AFF2: variants seen among roughly 807,000 people sequenced by gnomAD.
AFF2 encodes ALF transcription elongation factor 2.
Under a neutral mutation model 76.9 loss-of-function variants are expected in AFF2, and 14 were observed. The observed-to-expected ratio is 0.18, with a 90% CI of 0.12 to 0.28. The LOEUF (loss-of-function observed/expected upper bound fraction) is 0.28, where lower values mean the gene tolerates loss of function less well. Among genes scored for constraint, AFF2 ranks in the 10% least tolerant of loss-of-function variants. The probability of loss-of-function intolerance (pLI) is 1.00; values close to 1 mark genes in which losing one functional copy is unlikely to be tolerated. For missense variants in AFF2, 868 were observed against 1,001.1 expected (o/e 0.87, Z 1.79); for synonymous variants, 398 against 366.7 (o/e 1.09, Z -0.98).
intron 3 of AFF2, among the ~76,000 whole-genome samples, chrX:148,796,846 G>A (rs1346269434): frequency 2.7e-5 from 3 of 112,051 alleles, no homozygotes; most frequent in Non-Finnish European, 5.6e-5. Context: ...GCAAAGTATC[G>A]ATTATATTTT....
At chrX:148,545,832 G>A (rs2052914795) in intron 1 of AFF2, among the ~76,000 whole-genome samples, 2 of 111,313 alleles carry the variant, frequency 1.8e-5, no homozygotes, top group South Asian at 7.7e-4. Flanking sequence ...TGGGTCTGGG[G>A]TGGGGCTTGA....
At chrX:148,773,685 G>GAAAGAAAGAAA (rs2069621002) in intron 3 of AFF2, among the ~76,000 whole-genome samples, 69 of 51,437 alleles carry the variant, frequency 1.3e-3, no homozygotes, top group Non-Finnish European at 1.9e-3. Flanking sequence ...AAGGAAGGAA[G>GAAAGAAAGAAA]GAAAGAAAGA....
At chrX:148,723,461 G>C (rs1341130407) in intron 3 of AFF2, among the ~76,000 whole-genome samples, 1 of 110,937 alleles carries the variant, frequency 9.0e-6, no homozygotes. Context: ...ATTTCCCAAA[G>C]TTGAATTATT....
At chrX:148,641,409 C>G (rs782773840) in intron 1 of AFF2, among the ~76,000 whole-genome samples, 2 of 111,647 alleles carry the variant, frequency 1.8e-5, no homozygotes, top group Non-Finnish European at 3.8e-5. Flanking sequence ...CAAGTTCTTT[C>G]AGACATAGCA....
intron 1 of AFF2, among the ~76,000 whole-genome samples, chrX:148,576,077 C>T (rs2053284474): frequency 9.0e-6 from 1 of 110,855 alleles, no homozygotes; most frequent in Admixed American, 9.7e-5. Flanking sequence ...GACAGACCTC[C>T]CTGCTTCTGT....
At chrX:148,809,761 T>C (rs2070180369) in intron 3 of AFF2, 115 bp from the exon 4 acceptor site, 13 of 742,102 alleles carry the variant, frequency 1.8e-5, no homozygotes, top group Non-Finnish European at 2.6e-5. Flanking sequence ...TTGTATTTAA[T>C]AGGAAAAAAA....
rs782648689 is a variant in AFF2, at chrX:148,830,647, G to A, written c.1087-7000G>A. Among the ~76,000 whole-genome samples, 11 of 111,608 alleles carry A rather than the reference G, an allele frequency of 9.9e-5. No homozygotes were observed. The South Asian group carries it at 4.2e-3, about 43-fold the overall frequency. ...TTTTTATTAGTTATTTTCAAAAGAGGAGGGAGTGTACAAATAGGGTGTGGG... is the reference window on the plus strand; with the variant it reads ...TTTTTATTAGTTATTTTCAAAAGAGAAGGGAGTGTACAAATAGGGTGTGGG... On this transcript the variant is annotated intron_variant, in intron 4 of 20. Transcript: ENST00000370460.
At chrX:148,983,088 A>G (rs1375498139) in intron 19 of AFF2, among the ~76,000 whole-genome samples, 1 of 112,063 alleles carries the variant, frequency 8.9e-6, no homozygotes, top group Non-Finnish European at 1.9e-5. Flanking sequence ...TTCGCAAACT[A>G]TTCAGAGCTT....
chrX:148,816,805 A>G (rs1239881046), intron 4 of AFF2, among the ~76,000 whole-genome samples: 1 of 110,113 alleles, frequency 9.1e-6, no homozygotes, highest in Non-Finnish European at 1.9e-5. Flanking sequence ...GCATTTGGGC[A>G]CACAGCCTTG....
chrX:148,784,315 C>G (rs1029007849), intron 3 of AFF2, among the ~76,000 whole-genome samples: 8 of 111,939 alleles, frequency 7.1e-5, no homozygotes, highest in Non-Finnish European at 1.3e-4. Context: ...TGTTCAGCCC[C>G]TAGTGCTGAG....
At chrX:148,944,675 G>A (rs1435816964) in intron 9 of AFF2, among the ~76,000 whole-genome samples, 1 of 110,576 alleles carries the variant, frequency 9.0e-6, no homozygotes, top group Non-Finnish European at 1.9e-5. Flanking sequence ...TCTTCCATAT[G>A]CAAATTGCAA....
intron 3 of AFF2, among the ~76,000 whole-genome samples, chrX:148,783,543 T>G (rs1269980507): frequency 1.8e-5 from 2 of 111,807 alleles, no homozygotes; most frequent in African/African-American, 6.5e-5. Flanking sequence ...GATCTTTCCT[T>G]GCCCACTTGT....
At chrX:148,912,839 T>A (rs2071486355) in intron 9 of AFF2, among the ~76,000 whole-genome samples, 1 of 111,074 alleles carries the variant, frequency 9.0e-6, no homozygotes, top group African/African-American at 3.3e-5. Context: ...AGCTAAGTAG[T>A]CCCCAGTGAG....
intron 1 of AFF2, among the ~76,000 whole-genome samples, chrX:148,532,193 A>T (rs1262548580): frequency 8.9e-6 from 1 of 112,396 alleles, no homozygotes; most frequent in African/African-American, 3.2e-5. Context: ...TGCCTTTTAG[A>T]TTCCAATAAA....
At chrX:148,592,149 T>C (rs2124373890) in intron 1 of AFF2, among the ~76,000 whole-genome samples, 1 of 111,690 alleles carries the variant, frequency 9.0e-6, no homozygotes, top group East Asian at 2.8e-4. Flanking sequence ...ATTATGAAAA[T>C]GTGCTCAGGA....
intron 1 of AFF2, among the ~76,000 whole-genome samples, chrX:148,585,598 G>A (rs1241448497): frequency 1.8e-5 from 2 of 110,963 alleles, no homozygotes; most frequent in African/African-American, 6.6e-5. Flanking sequence ...CCAGCACTTT[G>A]GGAGGCCGAG....
At chrX:148,680,736 G>A (rs1557259865) in intron 3 of AFF2, among the ~76,000 whole-genome samples, 1 of 111,217 alleles carries the variant, frequency 9.0e-6, no homozygotes, top group African/African-American at 3.3e-5. Flanking sequence ...GGTTGCAGGA[G>A]AGTTCAGAGT....
chrX:148,737,672 G>A (rs113120617), intron 3 of AFF2, among the ~76,000 whole-genome samples: 4,504 of 111,413 alleles, frequency 0.04, 117 homozygotes, highest in African/African-American at 0.078. Flanking sequence ...GGAGTGGTGA[G>A]AGTGGGCATC....
chrX:148,814,946 A>G (rs782015668), intron 4 of AFF2, among the ~76,000 whole-genome samples: 5 of 111,617 alleles, frequency 4.5e-5, no homozygotes, highest in East Asian at 5.6e-4. Flanking sequence ...CTTTCAGTAG[A>G]ATTTCTTTTA....
Sources: allele counts gnomAD v4.1 joint callset (sites outside exome capture counted in the v4.1 genomes callset), GRCh38; gene constraint gnomAD v4.1.1; transcripts MANE v1.5; gene names NCBI Gene and HGNC (gene_info 2026-07-23, HGNC 2026-07-21).